The following MMADHC variants were observed in gnomAD, a reference collection of about 807,000 sequenced individuals.
MMADHC encodes metabolism of cobalamin associated D, also known as cobalamin trafficking protein CblD.
MMADHC carries 23 observed loss-of-function variants against 36.3 expected under a neutral mutation model. The ratio of observed to expected loss-of-function variants is 0.63; its 90% CI spans 0.46 to 0.90. MMADHC has a LOEUF of 0.90. Among genes scored for constraint, MMADHC ranks in the 40% least tolerant of loss-of-function variants. The pLI, the probability that MMADHC is intolerant of heterozygous loss-of-function variation, is 0.00. For missense variants in MMADHC, 330 were observed against 348.0 expected, an observed-to-expected ratio of 0.95 and a Z score of 0.41; for synonymous variants, 97 against 116.1, an observed-to-expected ratio of 0.84 and a Z score of 1.06.
At chr2:149,575,915 A>G in intron 5 of MMADHC, 74 bp from the exon 6 acceptor site, 1 of 1,173,874 alleles carries the variant, frequency 8.5e-7, no homozygotes, top group South Asian at 1.4e-5. Context: ...AGAAGGATAA[A>G]AGTACTTCTT....
intron 2 of MMADHC, among the ~76,000 whole-genome samples, chr2:149,585,562 G>C (rs1279040136): frequency 6.6e-6 from 1 of 152,190 alleles, no homozygotes; most frequent in Non-Finnish European, 1.5e-5. Context: ...AAACTCAGAA[G>C]ATCTGGCAGT....
chr2:149,571,112 G>C lies in MMADHC; in HGVS notation c.669C>G (p.Asp223Glu). 1.2e-6 allele frequency: 2 copies of C among 1,612,592 alleles called. No homozygotes were observed. Among genetic ancestry groups the C allele is most frequent in the Non-Finnish European group, 1.7e-6 (2 of 1,178,952 alleles). ...YALRAEGYWA[D>E]FIDPSSGLAF... The stretch of plus-strand genomic sequence containing the variant: ...CCAAACCAGATGATGGGTCAATAAA[G>C]TCAGCCCAATAACCCTCAGCTCGAA... The change falls in exon 7 of 8, where the codon GAC (aspartate) becomes GAG (glutamate). Residue 223 changes from aspartate (D) to glutamate (E), a missense_variant. Asp to Glu is a conservative substitution (Grantham distance 45). Transcript: ENST00000303319.
Position 149,570,242 on chromosome 2 carries a change from C to G in MMADHC, c.697-74G>C, listed in dbSNP as rs559023414. The G allele has an allele frequency of 2.5e-6, 3 of 1,210,290 alleles. No homozygotes were observed. The African/African-American group carries it at 4.5e-5, about 18-fold the overall frequency. The allele number at this position is 1,210,290 out of a possible 1,614,324, so 75.0% of individuals were successfully genotyped here. Reference sequence around the variant, plus strand: ...GTAATAATTTTTAGGTAAACATGAACACCTATCTACTTTAATACTCCAAAT... The same window carrying G: ...GTAATAATTTTTAGGTAAACATGAAGACCTATCTACTTTAATACTCCAAAT... On this transcript the variant is annotated intron_variant, in intron 7 of 7. Transcript: ENST00000303319.
rs2105048110 is a variant in MMADHC, at chr2:149,579,423, C to T, written c.372+8G>A. 3 of 1,604,668 alleles carry T rather than the reference C, an allele frequency of 1.9e-6. No individual in the cohort carries two copies. The highest frequency in any genetic ancestry group is 8.5e-7 in the Non-Finnish European group (1 of 1,173,356). On this transcript the variant is annotated splice_region_variant and intron_variant, in intron 4 of 7. Coordinates refer to ENST00000303319, the MANE Select transcript of MMADHC (RefSeq NM_015702.3). The stretch of plus-strand genomic sequence containing the variant: ...AGGAAAGCACAATAAATGTTACCAA[C>T]AATTTACCTGAAATTCATTCACATA...
At chr2:149,573,297 A>G (rs1305027460) in intron 6 of MMADHC, among the ~76,000 whole-genome samples, 1 of 152,194 alleles carries the variant, frequency 6.6e-6, no homozygotes, top group Non-Finnish European at 1.5e-5. Flanking sequence ...ACAGCATCCA[A>G]TCATAATGGG....
chr2:149,570,564 C>A (rs534169821), intron 7 of MMADHC, among the ~76,000 whole-genome samples: 9 of 152,024 alleles, frequency 5.9e-5, no homozygotes, highest in South Asian at 4.1e-4. Flanking sequence ...TCTTAAGATT[C>A]AAAAAATGAT....
chr2:149,586,894 G>C lies in MMADHC; in HGVS notation c.9+195C>G, dbSNP rs988073156. ...TGTACAAATGAAATTGTATAAATAAGTGTATTTGCAGTGCAAAGAATGCTA... is the reference window on the plus strand; with the variant it reads ...TGTACAAATGAAATTGTATAAATAACTGTATTTGCAGTGCAAAGAATGCTA... On this transcript the variant is annotated intron_variant, in intron 2 of 7. Transcript: ENST00000303319. The C allele has an allele frequency of 5.2e-5, 32 of 618,530 alleles. No individual in the cohort carries two copies. The Middle Eastern group carries it at 1.3e-3, about 25-fold the overall frequency. 38.3% of individuals were successfully genotyped at this position (618,530 alleles called of 1,614,324 possible). A position where few individuals can be genotyped will look rare whatever the true frequency, so the allele number is the denominator to read the frequency against.
chr2:149,585,042 CAA>C (rs537964049), intron 2 of MMADHC, among the ~76,000 whole-genome samples: 11 of 66,266 alleles, frequency 1.7e-4, no homozygotes, highest in Non-Finnish European at 1.6e-4. Context: ...AACTCCGTCT[CAA>C]AAAAAAAAAA....
chr2:149,585,012 G>A (rs1422015216), intron 2 of MMADHC, among the ~76,000 whole-genome samples: 3 of 150,006 alleles, frequency 2.0e-5, no homozygotes, highest in East Asian at 1.9e-4. Context: ...ATTGCACTCC[G>A]GCCTGGGAAA....
chr2:149,586,284 T>C (rs1179698513), intron 2 of MMADHC, among the ~76,000 whole-genome samples: 4 of 152,234 alleles, frequency 2.6e-5, no homozygotes, highest in Non-Finnish European at 5.9e-5. Flanking sequence ...CAATTCAACC[T>C]TATCTCCCAC....
At chr2:149,585,178 C>T (rs1321394218) in intron 2 of MMADHC, among the ~76,000 whole-genome samples, 1 of 151,938 alleles carries the variant, frequency 6.6e-6, no homozygotes, top group Non-Finnish European at 1.5e-5. Context: ...AAAATAATAG[C>T]CAAAAAGCAA....
chr2:149,584,654 C>T (rs1449004578), intron 2 of MMADHC, among the ~76,000 whole-genome samples: 1 of 152,146 alleles, frequency 6.6e-6, no homozygotes, highest in African/African-American at 2.4e-5. Flanking sequence ...TACCAAATTT[C>T]ATTTTAATAG....
chr2:149,577,391 G>A (rs1355395899), intron 4 of MMADHC, among the ~76,000 whole-genome samples: 2 of 152,158 alleles, frequency 1.3e-5, no homozygotes, highest in Non-Finnish European at 2.9e-5. Flanking sequence ...TGTTGTGGCT[G>A]GAGTGCAGAG....
In MMADHC at chr2:149,587,102, G is replaced by A. The variant is rs746106050; in HGVS notation, c.-5C>T. ...TAATTTACTCACATTGGCCATCTCCGCTGGAGAAGATAGTTCGCAAAATAG... is the reference window on the plus strand; with the variant it reads ...TAATTTACTCACATTGGCCATCTCCACTGGAGAAGATAGTTCGCAAAATAG... On this transcript the variant is annotated 5_prime_UTR_variant, in exon 2 of 8. Transcript: ENST00000303319. 1.4e-5 allele frequency: 23 copies of A among 1,613,608 alleles called. No homozygotes were observed. The highest frequency in any genetic ancestry group is 1.8e-5 in the Non-Finnish European group (21 of 1,179,658).
intron 6 of MMADHC, among the ~76,000 whole-genome samples, chr2:149,571,705 G>A (rs547943127): frequency 2.2e-3 from 328 of 151,498 alleles, no homozygotes; most frequent in Non-Finnish European, 3.4e-3. Context: ...GCGTGAACCC[G>A]GGAGGCAGAG....
chr2:149,575,748 TCACTC>T lies in MMADHC; in HGVS notation c.567_571del (p.Trp189Ter), dbSNP rs746513550. On this transcript the variant is annotated stop_gained and frameshift_variant, in exon 6 of 8. Transcript: ENST00000303319. LOFTEE classifies it high-confidence loss of function. Reference sequence around the variant, plus strand: ...CACTTCTCTTTCAATTTCTACTTCTTCACTCCAAACAGTCATATCATTCTTAGTTT... The same window carrying T: ...CACTTCTCTTTCAATTTCTACTTCTTCAAACAGTCATATCATTCTTAGTTT... 1 of 1,605,872 alleles carries T rather than the reference TCACTC, an allele frequency of 6.2e-7. No homozygotes were observed. Among genetic ancestry groups the T allele is most frequent in the East Asian group, 2.2e-5 (1 of 44,628 alleles).
intron 6 of MMADHC, among the ~76,000 whole-genome samples, chr2:149,572,071 T>C (rs1029212752): frequency 1.4e-4 from 22 of 152,158 alleles, no homozygotes; most frequent in African/African-American, 5.3e-4. Flanking sequence ...CATGTGCATA[T>C]ATAAAAATTT....
At chr2:149,573,827 T>C (rs1302811902) in intron 6 of MMADHC, among the ~76,000 whole-genome samples, 2 of 151,814 alleles carry the variant, frequency 1.3e-5, no homozygotes, top group Non-Finnish European at 2.9e-5. Context: ...AACAATGAAA[T>C]GCGATCAAAT....
chr2:149,579,447 T>C lies in MMADHC; in HGVS notation c.356A>G (p.Tyr119Cys). The C allele has an allele frequency of 6.2e-7, 1 of 1,611,690 alleles. No homozygotes were observed. Among genetic ancestry groups the C allele is most frequent in the Non-Finnish European group, 8.5e-7 (1 of 1,179,502 alleles). Reference sequence around the variant, plus strand: ...ACAATTTACCTGAAATTCATTCACATATTGTGCCATCACAAACTCATGTCT... The same window carrying C: ...ACAATTTACCTGAAATTCATTCACACATTGTGCCATCACAAACTCATGTCT... ...SERHEFVMAQ[Y>C]VNEFQGNDAP... The change falls in exon 4 of 8, where the codon TAT (tyrosine) becomes TGT (cysteine). Residue 119 changes from tyrosine to cysteine, a missense_variant. Coordinates refer to ENST00000303319, the MANE Select transcript of MMADHC (RefSeq NM_015702.3).
Sources: allele counts gnomAD v4.1 joint callset (sites outside exome capture counted in the v4.1 genomes callset), GRCh38; gene constraint gnomAD v4.1.1; transcripts MANE v1.5; gene names NCBI Gene and HGNC (gene_info 2026-07-23, HGNC 2026-07-21).